Variants in CEP83 observed in about 807,000 individuals in gnomAD.
The protein encoded by CEP83 is centrosomal protein of 83 kDa.
Under a neutral mutation model 101.9 loss-of-function variants are expected in CEP83, and 70 were observed. The ratio of observed to expected loss-of-function variants is 0.69; its 90% confidence interval spans 0.57 to 0.84. The LOEUF is 0.84. Among genes scored for constraint, CEP83 ranks in the 40% least tolerant of loss-of-function variants. CEP83 has a pLI of 0.00. For missense variants in CEP83, 715 were observed against 787.2 expected (o/e 0.91, Z 1.10); for synonymous variants, 264 against 267.9 (o/e 0.99, Z 0.14).
chr12:94,447,809 T>G (rs570830608), intron 1 of CEP83, among the ~76,000 whole-genome samples: 1 of 152,112 alleles, frequency 6.6e-6, no homozygotes, highest in South Asian at 2.1e-4. Flanking sequence ...AGGCATATTG[T>G]AATCCCTAAC....
chr12:94,381,461 T>C (rs954845192), intron 6 of CEP83, among the ~76,000 whole-genome samples: 4 of 152,184 alleles, frequency 2.6e-5, no homozygotes, highest in African/African-American at 4.8e-5. Context: ...TAAAAAGTTA[T>C]TGAAGTAAAG....
the CEP83 span, among the ~76,000 whole-genome samples, chr12:94,268,588 C>CTTTT: frequency 8.6e-4 from 78 of 90,878 alleles, 1 homozygote; most frequent in African/African-American, 3.4e-3. Context: ...AGAATAAGAC[C>CTTTT]TTTTTTTTTT....
At chr12:94,343,785 G>A (rs967376870) in intron 11 of CEP83, among the ~76,000 whole-genome samples, 17 of 151,850 alleles carry the variant, frequency 1.1e-4, no homozygotes, top group African/African-American at 3.9e-4. Flanking sequence ...GAGCCACCGC[G>A]CCCAGCCGAA....
At chr12:94,317,037 C>T (rs1320852733) in intron 14 of CEP83, among the ~76,000 whole-genome samples, 1 of 152,140 alleles carries the variant, frequency 6.6e-6, no homozygotes, top group Non-Finnish European at 1.5e-5. Flanking sequence ...ACACTCCCAC[C>T]AACAGTGTAT....
chr12:94,398,930 T>C (rs192607041), intron 6 of CEP83, among the ~76,000 whole-genome samples: 1 of 152,276 alleles, frequency 6.6e-6, no homozygotes, highest in African/African-American at 2.4e-5. Flanking sequence ...CTTATTAAGA[T>C]TGGGAAACCC....
intron 14 of CEP83, among the ~76,000 whole-genome samples, chr12:94,330,350 C>A (rs2059150095): frequency 6.6e-6 from 1 of 152,140 alleles, no homozygotes; most frequent in Non-Finnish European, 1.5e-5. Flanking sequence ...CCATGTCCTT[C>A]CCCTCCCTTA....
intron 2 of CEP83, among the ~76,000 whole-genome samples, chr12:94,428,707 T>TA (rs1483741334): frequency 1.3e-5 from 2 of 152,228 alleles, no homozygotes; most frequent in East Asian, 3.8e-4. Context: ...CCATATACTT[T>TA]AAAAAACTGA....
the CEP83 span, chr12:94,294,458 C>T: frequency 9.5e-7 from 1 of 1,050,990 alleles, no homozygotes; most frequent in Non-Finnish European, 1.5e-6. Flanking sequence ...ATTTTGAACA[C>T]TCATATATCT....
At chr12:94,298,748 C>CA in the CEP83 span, 2 of 1,611,592 alleles carry the variant, frequency 1.2e-6, no homozygotes, top group Non-Finnish European at 1.7e-6. Flanking sequence ...AGGCTGAAAA[C>CA]AAAAAAATCA....
chr12:94,388,854 C>T (rs1221865719), intron 6 of CEP83, among the ~76,000 whole-genome samples: 1 of 152,122 alleles, frequency 6.6e-6, no homozygotes, highest in Non-Finnish European at 1.5e-5. Context: ...TGGCTGGGTG[C>T]AGTGGCTCAT....
intron 6 of CEP83, among the ~76,000 whole-genome samples, chr12:94,399,166 T>C (rs1841372734): frequency 2.0e-5 from 3 of 152,228 alleles, no homozygotes; most frequent in Admixed American, 2.0e-4. Flanking sequence ...CTACTCCCTG[T>C]TCTTATGCCC....
intron 2 of CEP83, among the ~76,000 whole-genome samples, chr12:94,433,045 A>C (rs1246694248): frequency 1.4e-4 from 22 of 152,190 alleles, no homozygotes; most frequent in Admixed American, 1.4e-3. Flanking sequence ...ATCAAGTGCA[A>C]AATAATGGAG....
At chr12:94,388,947 C>T (rs1035958166) in intron 6 of CEP83, among the ~76,000 whole-genome samples, 2 of 151,954 alleles carry the variant, frequency 1.3e-5, no homozygotes, top group Admixed American at 6.6e-5. Context: ...GCCCACATGA[C>T]GAAACCCCAC....
chr12:94,302,295 T>A (rs748960722), downstream of CEP83, among the ~76,000 whole-genome samples: 4 of 152,230 alleles, frequency 2.6e-5, no homozygotes, highest in Non-Finnish European at 5.9e-5. Flanking sequence ...GAACTTGTTC[T>A]CACACCCCTT....
chr12:94,439,878 T>C (rs535402786), intron 1 of CEP83, among the ~76,000 whole-genome samples: 2 of 152,306 alleles, frequency 1.3e-5, no homozygotes, highest in African/African-American at 4.8e-5. Context: ...GATGCAGGGT[T>C]GGCTTAACAA....
chr12:94,345,242 A>G (rs1373902262), intron 11 of CEP83, among the ~76,000 whole-genome samples: 3 of 152,218 alleles, frequency 2.0e-5, no homozygotes, highest in Admixed American at 2.0e-4. Context: ...CAAAAAATAC[A>G]AACAAGAAAA....
At chr12:94,289,611 T>A in the CEP83 span, among the ~76,000 whole-genome samples, 1 of 152,206 alleles carries the variant, frequency 6.6e-6, no homozygotes, top group Non-Finnish European at 1.5e-5. Flanking sequence ...GCTCCTCAGA[T>A]GGAACAAATG....
rs541984830 is a variant in CEP83, at chr12:94,391,502, C to T, written c.549+9348G>A. ...AGCACTAAACATGGAAAGAAACAAC[C>T]GGTATCAGCCACTGCAAAAACAGGC... On this transcript the variant is annotated intron_variant, in intron 6 of 16. Coordinates refer to ENST00000397809, the MANE Select transcript of CEP83 (RefSeq NM_016122.3). Among the ~76,000 whole-genome samples the T allele has an allele frequency of 1.2e-4, 19 of 152,244 alleles. No individual in the cohort carries two copies. The South Asian group carries it at 2.7e-3, about 22-fold the overall frequency.
intron 14 of CEP83, among the ~76,000 whole-genome samples, chr12:94,321,363 TTGTG>T (rs1289874039): frequency 1.3e-5 from 2 of 152,228 alleles, no homozygotes; most frequent in Non-Finnish European, 2.9e-5. Flanking sequence ...TGAATTCTAT[TTGTG>T]TCACTTCAGC....
Sources: gnomAD v4.1 joint callset for allele counts (sites outside exome capture counted in the v4.1 genomes callset) on GRCh38, gnomAD v4.1.1 for gene constraint, MANE v1.5 for transcripts, NCBI Gene and HGNC (gene_info 2026-07-23, HGNC 2026-07-21) for gene names.